The following BMPER variants were observed in gnomAD, a reference collection of about 807,000 sequenced individuals.
BMPER encodes BMP-binding endothelial regulator protein.
In BMPER, 45 loss-of-function variants were observed where a neutral mutation model predicts 87.3. The observed-to-expected ratio is 0.52, with a 90% CI of 0.41 to 0.66. The LOEUF is 0.66. Among genes scored for constraint, BMPER ranks in the 30% least tolerant of loss-of-function variants. The pLI, the probability that BMPER is intolerant of heterozygous loss-of-function variation, is 0.00. For missense variants in BMPER, 784 were observed against 867.5 expected (o/e 0.90, Z 1.21); for synonymous variants, 326 against 316.2 (o/e 1.03, Z -0.33).
chr7:33,912,751 A>C (rs1233971358), intron 2 of BMPER, among the ~76,000 whole-genome samples: 2 of 152,230 alleles, frequency 1.3e-5, no homozygotes, highest in African/African-American at 4.8e-5. Flanking sequence ...TGGGAGGTCA[A>C]GTGTGCTTGT....
chr7:34,024,385 ATATATATATATATATATAT>A (rs1562695236), intron 6 of BMPER, among the ~76,000 whole-genome samples: 114 of 3,756 alleles, frequency 0.03, 6 homozygotes, highest in African/African-American at 0.073. Flanking sequence ...AAAAAAAACA[ATATATATATATATATATAT>A]ATATATATAT....
At chr7:33,913,467 G>A (rs2128602229) in intron 2 of BMPER, among the ~76,000 whole-genome samples, 1 of 152,170 alleles carries the variant, frequency 6.6e-6, no homozygotes, top group South Asian at 2.1e-4. Flanking sequence ...GCTGAAGTTT[G>A]GACAACAGAC....
chr7:33,939,185 A>G (rs968800126), intron 3 of BMPER, among the ~76,000 whole-genome samples: 3 of 152,174 alleles, frequency 2.0e-5, no homozygotes, highest in African/African-American at 7.2e-5. Flanking sequence ...TTGCTTCTCC[A>G]TGATTGGTCA....
At chr7:33,990,617 T>G (rs1446822059) in intron 6 of BMPER, among the ~76,000 whole-genome samples, 2 of 151,810 alleles carry the variant, frequency 1.3e-5, no homozygotes, top group Non-Finnish European at 2.9e-5. Context: ...TTCCTTCTCC[T>G]GACTAATTGC....
intron 6 of BMPER, among the ~76,000 whole-genome samples, chr7:34,023,429 C>T (rs187042841): frequency 7.2e-5 from 11 of 152,158 alleles, no homozygotes; most frequent in Admixed American, 7.2e-4. Flanking sequence ...AGGAGAACCA[C>T]TGCCACCGTG....
chr7:33,973,991 A>G (rs1385526730), intron 5 of BMPER, among the ~76,000 whole-genome samples: 1 of 152,126 alleles, frequency 6.6e-6, no homozygotes, highest in Non-Finnish European at 1.5e-5. Flanking sequence ...GGAGGGGGCC[A>G]CAGTCCCTTT....
chr7:34,124,681 ATAACTT>A (rs1790354171), intron 13 of BMPER, among the ~76,000 whole-genome samples: 1 of 152,180 alleles, frequency 6.6e-6, no homozygotes, highest in African/African-American at 2.4e-5. Flanking sequence ...TTTAGAGACT[ATAACTT>A]TAAGAATAAT....
chr7:33,905,084 G>C (rs560596245), upstream of BMPER: 1 of 167,844 alleles, frequency 6.0e-6, no homozygotes, highest in East Asian at 1.8e-4. Context: ...GTGAGCCCAC[G>C]TCTGTTGCGG....
chr7:33,912,082 C>G (rs973692193), intron 2 of BMPER, among the ~76,000 whole-genome samples: 6 of 152,122 alleles, frequency 3.9e-5, no homozygotes, highest in African/African-American at 1.4e-4. Flanking sequence ...TCTTTGGGCC[C>G]TGGTGTAAGT....
intron 6 of BMPER, among the ~76,000 whole-genome samples, chr7:34,006,967 C>A (rs1165358335): frequency 1.3e-5 from 2 of 152,046 alleles, no homozygotes; most frequent in East Asian, 3.9e-4. Flanking sequence ...GTGGATCAGC[C>A]CCTCTCTGCC....
chr7:34,025,331 T>G (rs527834422), intron 6 of BMPER, among the ~76,000 whole-genome samples: 1 of 151,966 alleles, frequency 6.6e-6, no homozygotes, highest in Admixed American at 6.6e-5. Flanking sequence ...GGGTAGGTTC[T>G]GCAAGTTGAA....
At chr7:33,947,972 G>A (rs1784927560) in intron 3 of BMPER, among the ~76,000 whole-genome samples, 1 of 152,138 alleles carries the variant, frequency 6.6e-6, no homozygotes, top group African/African-American at 2.4e-5. Flanking sequence ...TGTGTTGACA[G>A]AGTGAATTGT....
At chr7:34,002,083 A>G (rs1786596250) in intron 6 of BMPER, among the ~76,000 whole-genome samples, 1 of 151,716 alleles carries the variant, frequency 6.6e-6, no homozygotes. Flanking sequence ...GGCCAAATAT[A>G]TGGTGTATTG....
At chr7:34,010,791 T>C (rs759146264) in intron 6 of BMPER, among the ~76,000 whole-genome samples, 2 of 151,926 alleles carry the variant, frequency 1.3e-5, no homozygotes, top group Admixed American at 6.6e-5. Flanking sequence ...AATCTGAACT[T>C]TTGCTCCAGA....
intron 13 of BMPER, among the ~76,000 whole-genome samples, chr7:34,142,207 A>G (rs2127994432): frequency 6.6e-6 from 1 of 152,332 alleles, no homozygotes; most frequent in South Asian, 2.1e-4. Context: ...AAATTTGCTG[A>G]AAGAAGAAGA....
At chr7:34,024,970 T>A (rs917353697) in intron 6 of BMPER, among the ~76,000 whole-genome samples, 2 of 152,092 alleles carry the variant, frequency 1.3e-5, no homozygotes, top group African/African-American at 4.8e-5. Context: ...CTTGATTCTT[T>A]GCTAGGTGTC....
At chr7:33,942,173 C>T (rs920030824) in intron 3 of BMPER, among the ~76,000 whole-genome samples, 1 of 151,980 alleles carries the variant, frequency 6.6e-6, no homozygotes, top group Non-Finnish European at 1.5e-5. Context: ...CTTCCTTTTA[C>T]CTGAGGGAAT....
intron 13 of BMPER, among the ~76,000 whole-genome samples, chr7:34,130,026 G>A (rs1293124175): frequency 2.0e-5 from 3 of 151,862 alleles, no homozygotes; most frequent in Non-Finnish European, 2.9e-5. Context: ...GTGAATAGGA[G>A]GGTAATCTTT....
intron 6 of BMPER, among the ~76,000 whole-genome samples, chr7:34,028,703 C>G (rs984050232): frequency 1.5e-5 from 2 of 137,902 alleles, no homozygotes; most frequent in African/African-American, 5.5e-5. Context: ...CTTTGCTGGT[C>G]CTCAATCTTG....
Sources: allele counts gnomAD v4.1 joint callset (sites outside exome capture counted in the v4.1 genomes callset), GRCh38; gene constraint gnomAD v4.1.1; transcripts MANE v1.5; gene names NCBI Gene and HGNC (gene_info 2026-07-23, HGNC 2026-07-21).